The following NRL variants were observed in gnomAD, a reference collection of about 807,000 sequenced individuals.
The protein encoded by NRL is neural retina-specific leucine zipper protein.
Under a neutral mutation model 12.5 loss-of-function variants are expected in NRL, and 16 were observed. That is an observed-to-expected ratio of 1.28 (90% CI 0.87 to 1.95). The LOEUF (loss-of-function observed/expected upper bound fraction) is 1.95. Ranked by LOEUF, NRL falls within the 30% of genes most tolerant of loss-of-function variation. The pLI is 0.00. For synonymous variants in NRL, 142 were observed against 150.9 expected (o/e 0.94, Z 0.43); for missense variants, 314 against 325.8 (o/e 0.96, Z 0.28).
intron 1 of NRL, among the ~76,000 whole-genome samples, chr14:24,086,239 A>G (rs187989694): frequency 6.6e-6 from 1 of 152,108 alleles, no homozygotes; most frequent in African/African-American, 2.4e-5. Flanking sequence ...GAAAAGAAAG[A>G]AAGTTTGAGA....
chr14:24,106,090 A>T (rs2037335370), intron 1 of NRL, among the ~76,000 whole-genome samples: 1 of 152,202 alleles, frequency 6.6e-6, no homozygotes, highest in Admixed American at 6.5e-5. Context: ...ACTACAGTTT[A>T]GAGTAGCCTA....
At position 24,081,369 on chromosome 14, in the gene NRL, A is replaced by AGGCGGGCGCGCTCGGCCTCC; in HGVS notation, c.561_580dup (p.Leu194ArgfsTer36). 1.4e-6 allele frequency: 2 copies of AGGCGGGCGCGCTCGGCCTCC among 1,434,744 alleles called. No homozygotes were observed. Among genetic ancestry groups the AGGCGGGCGCGCTCGGCCTCC allele is most frequent in the Non-Finnish European group, 1.8e-6 (2 of 1,096,678 alleles). 88.9% of individuals were successfully genotyped at this position (1,434,744 alleles called of 1,614,324 possible). ...CCGCAGCGCGTCCAGCTGGGCGGCC[A>AGGCGGGCGCGCTCGGCCTCC]GGCGGGCGCGCTCGGCCTCCAGCCC... On this transcript the variant is annotated frameshift_variant, in exon 3 of 3. Transcript: ENST00000561028. LOFTEE classifies it high-confidence loss of function. This position sits in a 1 kb window ranked among gnomAD's most constrained non-coding sequence, Gnocchi z 4.4.
chr14:24,109,606 G>A (rs1222843850), intron 1 of NRL, among the ~76,000 whole-genome samples: 7 of 151,382 alleles, frequency 4.6e-5, no homozygotes, highest in Non-Finnish European at 7.4e-5. Flanking sequence ...GCTGAGGCAG[G>A]AGAATAGCAT....
intron 1 of NRL, among the ~76,000 whole-genome samples, chr14:24,088,037 AT>A (rs1226811958): frequency 5.9e-5 from 9 of 152,128 alleles, no homozygotes; most frequent in Non-Finnish European, 7.4e-5. Context: ...CAAAAAAAAA[AT>A]AATAAATAAA....
rs1034680290 is a variant in NRL at position 24,085,043 on chromosome 14, C to T, written c.-27-2168G>A. On this transcript the variant is annotated intron_variant, in intron 1 of 2. Transcript: ENST00000561028. The surrounding 1 kb of genome is among the most constrained non-coding windows in gnomAD (Gnocchi z 4.1). ...TCTTTGGAGACTATAAGCTCTCCCA[C>T]GCCCACTCTCACCGGGCCTTTTGGA... Among the ~76,000 whole-genome samples the T allele has an allele frequency of 1.6e-4, 24 of 152,200 alleles. No homozygotes were observed. The highest frequency in any genetic ancestry group is 4.1e-4 in the African/African-American group (17 of 41,450).
rs1436312123 is a variant in NRL at position 24,080,294 on chromosome 14, A to G, written c.*942T>C. The G allele has an allele frequency of 2.0e-5, 3 of 152,234 alleles. No homozygotes were observed. The highest frequency in any genetic ancestry group is 4.4e-5 in the Non-Finnish European group (3 of 68,050). The allele number at this position is 152,234 out of a possible 1,614,324, so 9.4% of individuals were successfully genotyped here. ...ACCCTGTGCAGGTCTGGAGGCCCAG[A>G]CAGCCTGGAGGGAGCTGCCGAGGAC... On this transcript the variant is annotated 3_prime_UTR_variant, in exon 3 of 3. Transcript: ENST00000561028.
Position 24,082,660 on chromosome 14 carries a change from C to T in NRL, c.189G>A (p.Glu63=). The change falls in exon 2 of 3, where the codon GAG becomes GAA. Residue 63 remains glutamate, a synonymous_variant. Coordinates refer to ENST00000561028, the MANE Select transcript of NRL (RefSeq NM_001354768.3). ...FSEPGMVGAT[E]GTRPGLEELY... ...GCTCCTCCAGGCCTGGCCGGGTGCC[C>T]TCGGTTGCCCCCACCATGCCTGGTT... The T allele has an allele frequency of 1.2e-6, 2 of 1,614,062 alleles. No individual in the cohort carries two copies. Among genetic ancestry groups the T allele is most frequent in the Non-Finnish European group, 1.7e-6 (2 of 1,180,012 alleles).
intron 1 of NRL, among the ~76,000 whole-genome samples, chr14:24,104,321 G>C (rs1423647243): frequency 2.6e-5 from 4 of 151,094 alleles, no homozygotes; most frequent in Admixed American, 2.0e-4. Context: ...TCTATGTCCT[G>C]AGTTCTTAAA....
intron 1 of NRL, chr14:24,110,475 T>C (rs1231588861): frequency 6.0e-6 from 1 of 167,502 alleles, no homozygotes; most frequent in Non-Finnish European, 1.4e-5. Flanking sequence ...GAAGAAATGA[T>C]TATCTTTATT....
intron 1 of NRL, among the ~76,000 whole-genome samples, chr14:24,097,518 C>T (rs977579691): frequency 6.6e-6 from 1 of 150,646 alleles, no homozygotes; most frequent in Admixed American, 6.6e-5. Context: ...GAGCCAAGAT[C>T]GCGTCATTGC....
intron 1 of NRL, chr14:24,099,965 G>T: frequency 6.2e-7 from 1 of 1,614,116 alleles, no homozygotes; most frequent in East Asian, 2.2e-5. Context: ...TCCTTGTTTG[G>T]TCCTTCCTTT....
intron 1 of NRL, among the ~76,000 whole-genome samples, chr14:24,092,686 C>G (rs534559719): frequency 6.6e-6 from 1 of 152,190 alleles, no homozygotes; most frequent in South Asian, 2.1e-4. Flanking sequence ...GTAGCAAGCC[C>G]GTGGCTGGAG....
chr14:24,099,512 G>A (rs1196963582), intron 1 of NRL: 1 of 1,534,824 alleles, frequency 6.5e-7, no homozygotes, highest in Non-Finnish European at 8.8e-7. Flanking sequence ...ACCATGCCCT[G>A]ACTTTTGGTG....
intron 1 of NRL, among the ~76,000 whole-genome samples, chr14:24,112,449 A>G (rs927609099): frequency 6.9e-6 from 1 of 144,850 alleles, no homozygotes; most frequent in Non-Finnish European, 1.5e-5. Flanking sequence ...GCAACCTACA[A>G]CATGGGAGAA....
At chr14:24,101,767 A>C (rs2037171039) in intron 1 of NRL, among the ~76,000 whole-genome samples, 1 of 152,120 alleles carries the variant, frequency 6.6e-6, no homozygotes, top group African/African-American at 2.4e-5. Flanking sequence ...AATAAAATAC[A>C]AAAATTAGCC....
At chr14:24,100,592 A>G in intron 1 of NRL, 1 of 1,083,800 alleles carries the variant, frequency 9.2e-7, no homozygotes, top group Non-Finnish European at 1.1e-6. Flanking sequence ...TAATGAAAGG[A>G]AAAGGAAGGA....
At chr14:24,086,701 A>C (rs943735112) in intron 1 of NRL, among the ~76,000 whole-genome samples, 1 of 152,212 alleles carries the variant, frequency 6.6e-6, no homozygotes, top group Non-Finnish European at 1.5e-5. Context: ...CTTGCCCCCA[A>C]CCAGCAGCTG....
In NRL at chr14:24,094,240, T is replaced by C. The variant is rs1351629435; in HGVS notation, c.-27-11365A>G. ...TGCCAGCGGGGCGGAGGAAAGCTAGTGCCAGCCCTACCAGGTTCCGCCCCC... is the reference window on the plus strand; with the variant it reads ...TGCCAGCGGGGCGGAGGAAAGCTAGCGCCAGCCCTACCAGGTTCCGCCCCC... On this transcript the variant is annotated intron_variant, in intron 1 of 2. Transcript: ENST00000561028. The surrounding 1 kb of genome is among the most constrained non-coding windows in gnomAD (Gnocchi z 4.1). The C allele has an allele frequency of 1.5e-6, 1 of 652,122 alleles. No individual in the cohort carries two copies. The highest frequency in any genetic ancestry group is 3.2e-5 in the East Asian group (1 of 31,104). 40.4% of individuals were successfully genotyped at this position (652,122 alleles called of 1,614,324 possible).
At chr14:24,100,769 G>A (rs951963412) in intron 1 of NRL, among the ~76,000 whole-genome samples, 29 of 152,076 alleles carry the variant, frequency 1.9e-4, no homozygotes, top group African/African-American at 5.6e-4. Context: ...TATTGTTACC[G>A]TCACCCTTCC....
Sources: gnomAD v4.1 joint callset for allele counts (sites outside exome capture counted in the v4.1 genomes callset) on GRCh38, gnomAD v4.1.1 for gene constraint, Gnocchi (gnomAD v3.1) non-coding constraint, MANE v1.5 for transcripts, NCBI Gene and HGNC (gene_info 2026-07-23, HGNC 2026-07-21) for gene names.